The following SSH2 variants were observed in gnomAD, a reference collection of about 807,000 sequenced individuals.
SSH2 encodes slingshot protein phosphatase 2.
In SSH2, 37 loss-of-function variants were observed where a neutral mutation model predicts 135.2. The observed-to-expected ratio is 0.27, with a 90% CI of 0.21 to 0.36. The LOEUF (loss-of-function observed/expected upper bound fraction) is 0.36, where lower values mean the gene tolerates loss of function less well. SSH2 is among the 10% of genes least tolerant of loss of function. The pLI is 1.00. For synonymous variants in SSH2, 628 were observed against 646.2 expected (o/e 0.97, Z 0.43); for missense variants, 1,408 against 1,765.3 (o/e 0.80, Z 3.63).
At chr17:29,677,534 G>T in intron 7 of SSH2, 139 bp downstream of exon 7, 1 of 726,494 alleles carries the variant, frequency 1.4e-6, no homozygotes. Context: ...CAAAACAGGA[G>T]TTTAAAAGGA....
At chr17:29,831,268 C>T (rs1424738520) in intron 2 of SSH2, among the ~76,000 whole-genome samples, 2 of 152,164 alleles carry the variant, frequency 1.3e-5, no homozygotes, top group African/African-American at 4.8e-5. Flanking sequence ...AACCTATACG[C>T]TACTCAGTTC....
At chr17:29,670,248 G>T (rs1298825497) in intron 9 of SSH2, among the ~76,000 whole-genome samples, 1 of 152,056 alleles carries the variant, frequency 6.6e-6, no homozygotes, top group African/African-American at 2.4e-5. Context: ...ATCTAAGTCT[G>T]GTTTAGAATG....
At chr17:29,881,817 C>T (rs113027219) in intron 1 of SSH2, among the ~76,000 whole-genome samples, 2,313 of 152,072 alleles carry the variant, frequency 0.015, 60 homozygotes, top group African/African-American at 0.052. Context: ...GCGCCTGGCC[C>T]TACTTTGTTA....
intron 1 of SSH2, among the ~76,000 whole-genome samples, chr17:29,918,861 C>T (rs1241816658): frequency 1.3e-5 from 2 of 152,026 alleles, no homozygotes; most frequent in Non-Finnish European, 2.9e-5. Flanking sequence ...CACTTGAACC[C>T]GGGAGGCGGA....
At chr17:29,643,199 T>A (rs2036235847) in intron 14 of SSH2, 5 of 985,406 alleles carry the variant, frequency 5.1e-6, no homozygotes, top group Non-Finnish European at 6.0e-6. Context: ...GGTACTTTGG[T>A]GCTGGGCGAG....
intron 2 of SSH2, among the ~76,000 whole-genome samples, chr17:29,834,204 C>G (rs1003247601): frequency 1.3e-5 from 2 of 151,780 alleles, no homozygotes; most frequent in African/African-American, 4.8e-5. Context: ...AAAAGATATA[C>G]AAATGGCTCC....
intron 2 of SSH2, among the ~76,000 whole-genome samples, chr17:29,801,379 G>A (rs1033302077): frequency 6.6e-6 from 1 of 152,106 alleles, no homozygotes; most frequent in African/African-American, 2.4e-5. Flanking sequence ...TATCATTCAA[G>A]ATTCTTTACA....
At chr17:29,740,691 T>G (rs2040526693) in intron 3 of SSH2, among the ~76,000 whole-genome samples, 1 of 152,218 alleles carries the variant, frequency 6.6e-6, no homozygotes, top group Non-Finnish European at 1.5e-5. Context: ...GGGCAGGAAA[T>G]GCTAACTTCA....
chr17:29,640,084 GTT>G (rs112288574), intron 14 of SSH2, among the ~76,000 whole-genome samples: 1 of 140,388 alleles, frequency 7.1e-6, no homozygotes, highest in Non-Finnish European at 1.6e-5. Context: ...TTTTTTTTTT[GTT>G]TTTTTTTTTT....
chr17:29,648,216 C>T lies in SSH2; in HGVS notation c.1355G>A (p.Arg452Lys), dbSNP rs376479223. ...TGGGTTGGGCTTGGTTACCGTTCGTCTTTCTTTCACATAGTCATAGGCTCG... is the reference window on the plus strand; with the variant it reads ...TGGGTTGGGCTTGGTTACCGTTCGTTTTTCTTTCACATAGTCATAGGCTCG... ...LDRAYDYVKE[R>K]RTVTKPNPSF... Residue 452 changes from arginine (R) to lysine (K), a missense_variant, in exon 14 of 16, where the codon AGA becomes AAA. Arg to Lys is a conservative substitution (Grantham distance 26, BLOSUM62 2). Coordinates refer to ENST00000540801, the MANE Select transcript of SSH2 (RefSeq NM_001282129.2). 6.2e-7 allele frequency: 1 copy of T among 1,614,152 alleles called. No individual in the cohort carries two copies. Among genetic ancestry groups the T allele is most frequent in the Non-Finnish European group, 8.5e-7 (1 of 1,180,030 alleles).
chr17:29,632,388 C>T lies in SSH2; in HGVS notation c.2806G>A (p.Ala936Thr). 6.2e-7 allele frequency: 1 copy of T among 1,614,146 alleles called. No individual in the cohort carries two copies. Among genetic ancestry groups the T allele is most frequent in the Non-Finnish European group, 8.5e-7 (1 of 1,179,992 alleles). Reference protein sequence around the residue: ...SKNDSSVADLAPKGKSDEAPP... With the variant: ...SKNDSSVADLTPKGKSDEAPP... ...GCTTCATCACTTTTCCCTTTTGGTGCTAGGTCTGCCACAGAAGAATCATTC... is the reference window on the plus strand; with the variant it reads ...GCTTCATCACTTTTCCCTTTTGGTGTTAGGTCTGCCACAGAAGAATCATTC... The change falls in exon 16 of 16, where the codon GCA becomes ACA. Residue 936 changes from alanine (A) to threonine (T), a missense_variant. Coordinates refer to ENST00000540801, the MANE Select transcript of SSH2 (RefSeq NM_001282129.2).
intron 3 of SSH2, among the ~76,000 whole-genome samples, chr17:29,764,378 CAG>C (rs770099077): frequency 6.6e-6 from 1 of 152,366 alleles, no homozygotes; most frequent in Non-Finnish European, 1.5e-5. Context: ...GCACAGTGTG[CAG>C]AGTGTCAAAA....
At chr17:29,784,065 C>CAAAA (rs71138857) in intron 3 of SSH2, among the ~76,000 whole-genome samples, 1,029 of 8,234 alleles carry the variant, frequency 0.12, 211 homozygotes, top group Non-Finnish European at 0.15. Context: ...GACTCCGTCT[C>CAAAA]AAAAAAAAAA....
chr17:29,752,197 CTGATTCTA>C (rs1318370590), intron 3 of SSH2, among the ~76,000 whole-genome samples: 1 of 152,024 alleles, frequency 6.6e-6, no homozygotes, highest in African/African-American at 2.4e-5. Context: ...AATTGATAAG[CTGATTCTA>C]AGATTTATCT....
At chr17:29,874,117 AC>A (rs1479040536) in intron 1 of SSH2, among the ~76,000 whole-genome samples, 4 of 151,840 alleles carry the variant, frequency 2.6e-5, no homozygotes, top group African/African-American at 4.8e-5. Context: ...ACATGGCAAA[AC>A]CCCATCTCTA....
At chr17:29,729,926 G>A (rs2040122674) in intron 3 of SSH2, among the ~76,000 whole-genome samples, 1 of 152,030 alleles carries the variant, frequency 6.6e-6, no homozygotes, top group Non-Finnish European at 1.5e-5. Context: ...GATGGCTAAT[G>A]GGTACAAAAA....
At chr17:29,871,828 G>A (rs1341455350) in intron 1 of SSH2, among the ~76,000 whole-genome samples, 1 of 152,224 alleles carries the variant, frequency 6.6e-6, no homozygotes, top group East Asian at 1.9e-4. Flanking sequence ...TCTTAAAGAT[G>A]TTCATGACCT....
At chr17:29,882,598 AAAAATTAGCTGGGCG>A in intron 1 of SSH2, among the ~76,000 whole-genome samples, 1 of 58,118 alleles carries the variant, frequency 1.7e-5, no homozygotes, top group East Asian at 1.7e-3. Context: ...TTAAAACTGC[AAAAATTAGCTGGGCG>A]CAGTGGCGGG....
rs60595591 is a variant in SSH2, at chr17:29,778,835, C to CAAA, written c.188+15056_188+15058dup. Among the ~76,000 whole-genome samples, 15 of 37,866 alleles carry CAAA rather than the reference C, an allele frequency of 4.0e-4. 1 individual carries two copies. Among genetic ancestry groups the CAAA allele is most frequent in the Admixed American group, 9.5e-4 (2 of 2,098 alleles). The allele number at this position is 37,866 out of a possible 152,430, so 24.8% of individuals were successfully genotyped here. On this transcript the variant is annotated intron_variant, in intron 3 of 15. Coordinates refer to ENST00000540801, the MANE Select transcript of SSH2 (RefSeq NM_001282129.2). ...GGTGACAGAGTGAGCCTCCGTCTCC[C>CAAA]AAAAAAAAAAAAAAAAAAAAAAAAA... is the stretch of plus-strand genomic sequence containing the variant.
Sources: gnomAD v4.1 joint callset for allele counts (sites outside exome capture counted in the v4.1 genomes callset) on GRCh38, gnomAD v4.1.1 for gene constraint, MANE v1.5 for transcripts, NCBI Gene and HGNC (gene_info 2026-07-23, HGNC 2026-07-21) for gene names.